PLEKHO2: variants seen among roughly 807,000 people sequenced by gnomAD.
The protein encoded by PLEKHO2 is pleckstrin homology domain-containing family O member 2.
Under a neutral mutation model 32.7 loss-of-function variants are expected in PLEKHO2, and 20 were observed. The ratio of observed to expected loss-of-function variants is 0.61; its 90% CI spans 0.43 to 0.89. The LOEUF (loss-of-function observed/expected upper bound fraction) is 0.89, where lower values mean the gene tolerates loss of function less well. PLEKHO2 is among the 40% of genes least tolerant of loss of function. The pLI, the probability that PLEKHO2 is intolerant of heterozygous loss-of-function variation, is 0.00. For synonymous variants in PLEKHO2, 247 were observed against 246.3 expected (o/e 1.00, Z -0.03); for missense variants, 568 against 621.2 (o/e 0.91, Z 0.91).
At chr15:64,843,840 A>G (rs2084503917) in intron 1 of PLEKHO2, among the ~76,000 whole-genome samples, 1 of 152,070 alleles carries the variant, frequency 6.6e-6, no homozygotes, top group African/African-American at 2.4e-5. Context: ...TCGGCCTCCG[A>G]AAGTGTTGGG....
At chr15:64,853,870 G>A (rs1038068104) in intron 2 of PLEKHO2, among the ~76,000 whole-genome samples, 1 of 152,196 alleles carries the variant, frequency 6.6e-6, no homozygotes, top group Admixed American at 6.5e-5. Context: ...GGCTTTCAGG[G>A]TTATTGTGAG....
At chr15:64,844,239 C>G (rs1263591181) in intron 1 of PLEKHO2, among the ~76,000 whole-genome samples, 3 of 152,242 alleles carry the variant, frequency 2.0e-5, no homozygotes, top group African/African-American at 7.2e-5. Context: ...GCCAAGGTCC[C>G]TCAGCCTCAG....
At chr15:64,846,830 A>T (rs2084525827) in intron 1 of PLEKHO2, among the ~76,000 whole-genome samples, 1 of 152,194 alleles carries the variant, frequency 6.6e-6, no homozygotes, top group Admixed American at 6.5e-5. Flanking sequence ...CAATAGTAAC[A>T]ATAATGACAG....
At chr15:64,864,521 C>T (rs1295003452) in intron 5 of PLEKHO2, among the ~76,000 whole-genome samples, 2 of 152,114 alleles carry the variant, frequency 1.3e-5, no homozygotes, top group Non-Finnish European at 2.9e-5. Flanking sequence ...AAGGGAACCT[C>T]TGAAGGCCAT....
At position 64,865,848 on chromosome 15, in the gene PLEKHO2, G is replaced by A. The variant is rs77456635; in HGVS notation, c.1433G>A (p.Arg478Gln). Residue 478 changes from arginine to glutamine, a missense_variant, in exon 6 of 6, where the codon CGG (arginine) becomes CAG (glutamine). Coordinates refer to ENST00000323544, the MANE Select transcript of PLEKHO2 (RefSeq NM_025201.5). ...SQEAPGLREK[R>Q]KELVTLYRRS... Reference sequence around the variant, plus strand: ...GAAGCACCTGGGCTAAGGGAGAAGCGGAAGGAGCTGGTGACCCTCTACAGG... The same window carrying A: ...GAAGCACCTGGGCTAAGGGAGAAGCAGAAGGAGCTGGTGACCCTCTACAGG... 42,540 of 1,610,662 alleles carry A rather than the reference G, an allele frequency of 0.026. 664 individuals carry two copies. Among genetic ancestry groups the A allele is most frequent in the Middle Eastern group, 0.033 (198 of 6,062 alleles).
chr15:64,861,700 G>T lies in PLEKHO2; in HGVS notation c.483+125G>T, dbSNP rs540428161. 80 of 688,890 alleles carry T rather than the reference G, an allele frequency of 1.2e-4. 1 individual carries two copies. In the African/African-American group the frequency reaches 1.4e-3, roughly 12 times the overall value. 42.7% of individuals were successfully genotyped at this position (688,890 alleles called of 1,614,324 possible). On this transcript the variant is annotated intron_variant, in intron 5 of 5. Coordinates refer to ENST00000323544, the MANE Select transcript of PLEKHO2 (RefSeq NM_025201.5). ...ACCTGGAGCTGGGGCTTCCTGAGGA[G>T]TAGACAGGAAGTGATGGGGCACCTG...
intron 1 of PLEKHO2, among the ~76,000 whole-genome samples, chr15:64,844,133 C>T (rs2084506309): frequency 6.6e-6 from 1 of 152,216 alleles, no homozygotes; most frequent in African/African-American, 2.4e-5. Flanking sequence ...CATGCTCTGC[C>T]CCATGATCCC....
chr15:64,859,921 A>G lies in PLEKHO2; in HGVS notation c.307A>G (p.Thr103Ala). Residue 103 changes from threonine to alanine, a missense_variant, in exon 4 of 6, where the codon ACC becomes GCC. Coordinates refer to ENST00000323544, the MANE Select transcript of PLEKHO2 (RefSeq NM_025201.5). ...CAGCGACATCAAATTCCAGGCACCC[A>G]CCGGGGAGGAGAAGGAATCCTGGAT... ...KVSDIKFQAP[T>A]GEEKESWIKA... 1 of 1,614,168 alleles carries G rather than the reference A, an allele frequency of 6.2e-7. No individual in the cohort carries two copies. Among genetic ancestry groups the G allele is most frequent in the Non-Finnish European group, 8.5e-7 (1 of 1,180,022 alleles).
intron 2 of PLEKHO2, among the ~76,000 whole-genome samples, chr15:64,851,500 C>T (rs1347385597): frequency 6.6e-6 from 1 of 152,158 alleles, no homozygotes; most frequent in Non-Finnish European, 1.5e-5. Flanking sequence ...ATTTCAGGAA[C>T]TTAACACTTA....
intron 1 of PLEKHO2, among the ~76,000 whole-genome samples, chr15:64,842,823 A>T (rs1595826048): frequency 6.6e-6 from 1 of 151,760 alleles, no homozygotes; most frequent in Admixed American, 6.6e-5. Flanking sequence ...TTACTTGCAA[A>T]CTCAGTTCTG....
At chr15:64,843,363 T>C (rs2084499150) in intron 1 of PLEKHO2, among the ~76,000 whole-genome samples, 1 of 152,194 alleles carries the variant, frequency 6.6e-6, no homozygotes, top group South Asian at 2.1e-4. Context: ...TTTCTGGCTG[T>C]TAGGTGGGGC....
rs1223264606 is a variant in PLEKHO2 at position 64,865,870 on chromosome 15, C to T, written c.1455C>T (p.Tyr485=). 1 of 1,606,782 alleles carries T rather than the reference C, an allele frequency of 6.2e-7. No individual in the cohort carries two copies. The change falls in exon 6 of 6, where the codon TAC becomes TAT. Residue 485 remains tyrosine (Y), a synonymous_variant. Coordinates refer to ENST00000323544, the MANE Select transcript of PLEKHO2 (RefSeq NM_025201.5). The stretch of plus-strand genomic sequence containing the variant: ...AGCGGAAGGAGCTGGTGACCCTCTA[C>T]AGGAGAAGTGCACCCTAGGGCCTTC... ...REKRKELVTL[Y]RRSAP
At chr15:64,849,713 G>A (rs1179453748) in intron 2 of PLEKHO2, among the ~76,000 whole-genome samples, 4 of 150,912 alleles carry the variant, frequency 2.7e-5, no homozygotes, top group Non-Finnish European at 5.9e-5. Flanking sequence ...AAAGTGCTGG[G>A]ATTACAGGCG....
In PLEKHO2 at chr15:64,848,842, C is replaced by T. The variant is rs961966133; in HGVS notation, c.162+100C>T. 25 of 1,480,966 alleles carry T rather than the reference C, an allele frequency of 1.7e-5. No homozygotes were observed. The East Asian group carries it at 5.4e-4, about 32-fold the overall frequency. 91.7% of individuals were successfully genotyped at this position (1,480,966 alleles called of 1,614,324 possible). A position where few individuals can be genotyped will look rare whatever the true frequency, so the allele number is the denominator to read the frequency against. ...GACCCTGGGTCTGGGGCCAGAAGAC[C>T]TGCTCTACTTTTGCCATGCTGTGCA... On this transcript the variant is annotated intron_variant, in intron 2 of 5. Coordinates refer to ENST00000323544, the MANE Select transcript of PLEKHO2 (RefSeq NM_025201.5).
intron 2 of PLEKHO2, among the ~76,000 whole-genome samples, chr15:64,853,390 C>A (rs1384275066): frequency 6.6e-6 from 1 of 151,150 alleles, no homozygotes; most frequent in Non-Finnish European, 1.5e-5. Flanking sequence ...CATTCTTCTG[C>A]CTCAGCCTCC....
At chr15:64,858,342 G>A (rs935113859) in intron 3 of PLEKHO2, among the ~76,000 whole-genome samples, 20 of 152,172 alleles carry the variant, frequency 1.3e-4, no homozygotes, top group African/African-American at 3.6e-4. Context: ...GGGCCAGGCC[G>A]ACCTCGGTGT....
chr15:64,848,967 T>G (rs1191712624), intron 2 of PLEKHO2, among the ~76,000 whole-genome samples: 1 of 152,196 alleles, frequency 6.6e-6, no homozygotes, highest in Non-Finnish European at 1.5e-5. Flanking sequence ...CTTTTCTTAT[T>G]TTTTTAAACT....
intron 1 of PLEKHO2, among the ~76,000 whole-genome samples, chr15:64,843,737 C>T (rs959129389): frequency 6.6e-6 from 1 of 152,042 alleles, no homozygotes; most frequent in Non-Finnish European, 1.5e-5. Flanking sequence ...TGCACCACCA[C>T]GCCTGGCTAA....
Position 64,848,751 on chromosome 15 carries a change from C to T in PLEKHO2, c.162+9C>T, listed in dbSNP as rs371252108. ...TGGTCTATGAGAATGAGGTGAGGAC[C>T]TGCTTGGCCCTGAGATTGGGGGTTC... On this transcript the variant is annotated intron_variant, in intron 2 of 5. Coordinates refer to ENST00000323544, the MANE Select transcript of PLEKHO2 (RefSeq NM_025201.5). 11 of 1,613,692 alleles carry T rather than the reference C, an allele frequency of 6.8e-6. No individual in the cohort carries two copies. In the African/African-American group the frequency reaches 1.2e-4, roughly 18 times the overall value.
Sources: allele counts gnomAD v4.1 joint callset (sites outside exome capture counted in the v4.1 genomes callset), GRCh38; gene constraint gnomAD v4.1.1; transcripts MANE v1.5; gene names NCBI Gene and HGNC (gene_info 2026-07-23, HGNC 2026-07-21).